ADK: variants seen among roughly 807,000 people sequenced by gnomAD.
ADK encodes adenosine kinase.
In ADK, 24 loss-of-function variants were observed where a neutral mutation model predicts 44.7. That is an observed-to-expected ratio of 0.54 (90% CI 0.39 to 0.76). The LOEUF (loss-of-function observed/expected upper bound fraction) is 0.76. ADK is among the 30% of genes least tolerant of loss of function. The pLI, the probability that ADK is intolerant of heterozygous loss-of-function variation, is 0.00. For missense variants in ADK, 321 were observed against 425.1 expected, an observed-to-expected ratio of 0.76 and a Z score of 2.15; for synonymous variants, 128 against 142.6, an observed-to-expected ratio of 0.90 and a Z score of 0.73.
intron 1 of ADK, among the ~76,000 whole-genome samples, chr10:74,181,236 T>G (rs1411862758): frequency 2.0e-5 from 3 of 151,082 alleles, no homozygotes; most frequent in Admixed American, 6.6e-5. Context: ...TAAATAATGA[T>G]TTTTTTTTGG....
chr10:74,572,796 G>A (rs1393661296), intron 7 of ADK, among the ~76,000 whole-genome samples: 10 of 151,892 alleles, frequency 6.6e-5, no homozygotes, highest in South Asian at 2.1e-4. Flanking sequence ...TGATCGAATC[G>A]GCTCCTGAGG....
In ADK at chr10:74,230,768, G is replaced by A. The variant is rs569722881; in HGVS notation, c.194+6177G>A. Among the ~76,000 whole-genome samples the A allele has an allele frequency of 4.0e-5, 6 of 150,736 alleles. No homozygotes were observed. The South Asian group carries it at 8.4e-4, about 21-fold the overall frequency. ...GCGATCTTGGCTCACTGCAATCTCC[G>A]CCTCCCAGGTTCAAGTGATTCCCCT... On this transcript the variant is annotated intron_variant, in intron 3 of 10. Transcript: ENST00000539909.
At chr10:74,535,907 G>A (rs1021308141) in intron 7 of ADK, among the ~76,000 whole-genome samples, 2 of 151,712 alleles carry the variant, frequency 1.3e-5, no homozygotes, top group Non-Finnish European at 2.9e-5. Context: ...TTAAATATTA[G>A]CAAATGATGT....
intron 7 of ADK, among the ~76,000 whole-genome samples, chr10:74,569,864 A>C (rs973923101): frequency 1.3e-5 from 2 of 152,168 alleles, no homozygotes; most frequent in African/African-American, 4.8e-5. Flanking sequence ...TATGTCCTGA[A>C]TGGTATTGCC....
At chr10:74,481,733 G>T (rs896494010) in intron 6 of ADK, among the ~76,000 whole-genome samples, 2 of 151,796 alleles carry the variant, frequency 1.3e-5, no homozygotes, top group South Asian at 2.1e-4. Context: ...TTCTGTTCTG[G>T]TTCCTTTTTC....
chr10:74,491,125 A>C (rs146580729), intron 6 of ADK, among the ~76,000 whole-genome samples: 18 of 152,268 alleles, frequency 1.2e-4, no homozygotes, highest in African/African-American at 4.3e-4. Flanking sequence ...GGATCAGCTT[A>C]AAATGGACAC....
chr10:74,237,227 C>A (rs1845001313), intron 3 of ADK, among the ~76,000 whole-genome samples: 1 of 152,172 alleles, frequency 6.6e-6, no homozygotes, highest in Non-Finnish European at 1.5e-5. Flanking sequence ...ATTCAAAATT[C>A]TTTGTTGTCA....
intron 4 of ADK, among the ~76,000 whole-genome samples, chr10:74,352,361 T>C (rs1408979652): frequency 6.6e-6 from 1 of 152,222 alleles, no homozygotes; most frequent in Non-Finnish European, 1.5e-5. Flanking sequence ...TTGGGAAAAC[T>C]GGCTAGCCAT....
chr10:74,352,987 G>A (rs182205079), intron 4 of ADK, among the ~76,000 whole-genome samples: 22 of 152,264 alleles, frequency 1.4e-4, no homozygotes, highest in South Asian at 4.1e-4. Context: ...TAGTTCAACC[G>A]CTGTAGAAGA....
At chr10:74,189,160 C>T (rs1216342921) in intron 1 of ADK, among the ~76,000 whole-genome samples, 2 of 152,172 alleles carry the variant, frequency 1.3e-5, no homozygotes, top group Non-Finnish European at 2.9e-5. Context: ...TTAGCTGCAG[C>T]ATACAATTTC....
At chr10:74,619,127 TTCTC>T (rs1412924817) in intron 9 of ADK, among the ~76,000 whole-genome samples, 1 of 151,560 alleles carries the variant, frequency 6.6e-6, no homozygotes, top group Non-Finnish European at 1.5e-5. Flanking sequence ...AGTTCCCTGA[TTCTC>T]TCTTCTGCTT....
intron 4 of ADK, among the ~76,000 whole-genome samples, chr10:74,349,843 G>A (rs1476768326): frequency 6.6e-6 from 1 of 152,124 alleles, no homozygotes; most frequent in Non-Finnish European, 1.5e-5. Context: ...ATGGTAAAGG[G>A]ATCAATGCAA....
chr10:74,286,215 G>A (rs896964328), intron 3 of ADK, among the ~76,000 whole-genome samples: 15 of 152,088 alleles, frequency 9.9e-5, no homozygotes, highest in African/African-American at 3.4e-4. Context: ...ACCACACCTG[G>A]CTCATTTTTT....
chr10:74,200,839 G>A lies in ADK; in HGVS notation c.140+1G>A. On this transcript the variant is annotated splice_donor_variant, in intron 2 of 10. Transcript: ENST00000539909. LOFTEE classifies it high-confidence loss of function. Reference sequence around the variant, plus strand: ...TAGTGGACAAAGATTTCCTTGATAAGTAAGTATTAAACTCTTCATATGCAC... The same window carrying A: ...TAGTGGACAAAGATTTCCTTGATAAATAAGTATTAAACTCTTCATATGCAC... 1 of 1,589,372 alleles carries A rather than the reference G, an allele frequency of 6.3e-7. No individual in the cohort carries two copies. The highest frequency in any genetic ancestry group is 1.1e-5 in the South Asian group (1 of 90,532).
chr10:74,159,798 G>T (rs747438588), intron 1 of ADK, among the ~76,000 whole-genome samples: 15 of 152,044 alleles, frequency 9.9e-5, no homozygotes, highest in Non-Finnish European at 1.6e-4. Flanking sequence ...TCACAATGTT[G>T]GCCAGGCTGG....
chr10:74,211,681 A>C (rs766768638), intron 2 of ADK, among the ~76,000 whole-genome samples: 1 of 152,194 alleles, frequency 6.6e-6, no homozygotes, highest in East Asian at 1.9e-4. Context: ...CAACATGGTA[A>C]CCACTAGTCA....
chr10:74,302,032 T>C (rs1376693026), intron 3 of ADK, among the ~76,000 whole-genome samples: 2 of 151,562 alleles, frequency 1.3e-5, no homozygotes, highest in African/African-American at 2.4e-5. Flanking sequence ...ACTTTGGAAT[T>C]CAGGGCTTTG....
intron 6 of ADK, among the ~76,000 whole-genome samples, chr10:74,410,589 G>C (rs1484474167): frequency 6.6e-6 from 1 of 152,124 alleles, no homozygotes; most frequent in East Asian, 1.9e-4. Flanking sequence ...GCTGAGGTAG[G>C]AGAATCGCTC....
chr10:74,686,092 G>C (rs1198579365), intron 10 of ADK, among the ~76,000 whole-genome samples: 1 of 152,082 alleles, frequency 6.6e-6, no homozygotes, highest in Non-Finnish European at 1.5e-5. Flanking sequence ...CTCCCGAGTA[G>C]CTGGGACTGC....
Sources: allele counts gnomAD v4.1 joint callset (sites outside exome capture counted in the v4.1 genomes callset), GRCh38; gene constraint gnomAD v4.1.1; transcripts MANE v1.5; gene names NCBI Gene and HGNC (gene_info 2026-07-23, HGNC 2026-07-21).